ING1: variants seen among roughly 807,000 people sequenced by gnomAD.
The protein encoded by ING1 is inhibitor of growth protein 1.
Under a neutral mutation model 23.1 loss-of-function variants are expected in ING1, and 4 were observed. That is an observed-to-expected ratio of 0.17 (90% CI 0.09 to 0.40). ING1 has a LOEUF of 0.40. ING1 is among the 10% of genes least tolerant of loss of function. ING1 has a pLI of 1.00. For synonymous variants in ING1, 179 were observed against 166.4 expected (o/e 1.08, Z -0.58); for missense variants, 256 against 393.8 (o/e 0.65, Z 2.96).
rs1360209989 is a variant in ING1, at chr13:110,713,717, C to A, written c.-433C>A. On this transcript the variant is annotated 5_prime_UTR_variant, in exon 1 of 2. Coordinates refer to ENST00000333219, the MANE Select transcript of ING1 (RefSeq NM_198219.3). ...TGGTATTTGGGTTTTCCACGTTGGACAAGTGCGGCTCGGCGGCCAGCGGAG... is the reference window on the plus strand; with the variant it reads ...TGGTATTTGGGTTTTCCACGTTGGAAAAGTGCGGCTCGGCGGCCAGCGGAG... 9 of 985,146 alleles carry A rather than the reference C, an allele frequency of 9.1e-6. No homozygotes were observed. The highest frequency in any genetic ancestry group is 1.1e-4 in the East Asian group (1 of 8,808). The allele number at this position is 985,146 out of a possible 1,614,324, so 61.0% of individuals were successfully genotyped here. A position where few individuals can be genotyped will look rare whatever the true frequency, so the allele number is the denominator to read the frequency against.
Position 110,719,176 on chromosome 13 carries a change from T to C in ING1, c.137-53T>C. The C allele has an allele frequency of 6.3e-7, 1 of 1,576,438 alleles. No individual in the cohort carries two copies. The highest frequency in any genetic ancestry group is 1.1e-5 in the South Asian group (1 of 88,662). ...CTCCGTAGACCCGTCCGGGGCCGTG[T>C]GGGTTGTCCCGGTGTCCTGCTCGCG... On this transcript the variant is annotated intron_variant, in intron 1 of 1. Transcript: ENST00000333219. This position sits in a 1 kb window ranked among gnomAD's most constrained non-coding sequence, Gnocchi z 8.9.
chr13:110,713,315 G>A, upstream of ING1: 1 of 1,174,144 alleles, frequency 8.5e-7, no homozygotes, highest in Non-Finnish European at 1.1e-6. Context: ...TGGTCTCGGA[G>A]GTTTCTGTCC....
chr13:110,715,646 C>T (rs1229971429), intron 1 of ING1: 23 of 1,613,176 alleles, frequency 1.4e-5, no homozygotes, highest in Non-Finnish European at 1.9e-5. Flanking sequence ...TGGATTGGTT[C>T]TTCTCGCTGC....
At chr13:110,715,668 G>A in intron 1 of ING1, 1 of 1,608,334 alleles carries the variant, frequency 6.2e-7, no homozygotes, top group Admixed American at 1.7e-5. Flanking sequence ...GGGGCGGGCC[G>A]TGCTCTTCCG....
chr13:110,713,371 T>G (rs1006044080), upstream of ING1: 221 of 1,053,772 alleles, frequency 2.1e-4, no homozygotes, highest in Non-Finnish European at 2.3e-4. Flanking sequence ...AGCAGGCCGC[T>G]CCCCTGCGTT....
At position 110,723,071 on chromosome 13, in the gene ING1, TTATGA is replaced by T. The variant is rs909701064; in HGVS notation, c.*3143_*3147del. ...AGATAAAGGGTCCAAAGTGTTTTCG[TTATGA>T]TATAATACTTTCTATTGTAAACTGG... is the stretch of plus-strand genomic sequence containing the variant. On this transcript the variant is annotated 3_prime_UTR_variant, in exon 2 of 2. Coordinates refer to ENST00000333219, the MANE Select transcript of ING1 (RefSeq NM_198219.3). The T allele has an allele frequency of 4.6e-5, 7 of 152,238 alleles. No individual in the cohort carries two copies. Among genetic ancestry groups the T allele is most frequent in the African/African-American group, 9.6e-5 (4 of 41,458 alleles). 9.4% of individuals were successfully genotyped at this position (152,238 alleles called of 1,614,324 possible).
upstream of ING1, chr13:110,713,577 G>C: frequency 2.0e-6 from 2 of 985,862 alleles, no homozygotes; most frequent in Non-Finnish European, 2.4e-6. Context: ...AGCCCCCAGG[G>C]CCTGGGACGG....
chr13:110,715,112 CAGAG>C (rs558363855), intron 1 of ING1: 2 of 1,082,068 alleles, frequency 1.8e-6, no homozygotes, highest in African/African-American at 3.3e-5. Flanking sequence ...CCCCGGGTGT[CAGAG>C]AGAGGTGGCG....
At chr13:110,712,691 G>A (rs769229308), upstream of ING1, 11 of 673,924 alleles carry the variant, frequency 1.6e-5, no homozygotes, top group South Asian at 1.2e-4. Flanking sequence ...CCGGCCGACC[G>A]GGTGTCTGCA....
At position 110,720,216 on chromosome 13, in the gene ING1, AAACTC is replaced by A. The variant is rs1203807419; in HGVS notation, c.*288_*292del. On this transcript the variant is annotated 3_prime_UTR_variant, in exon 2 of 2. Transcript: ENST00000333219. ...GATTTCTTGCGGGAGGAGGGGGACT[AAACTC>A]AACCTAACACATTAAATGTGGAAGG... 1.2e-5 allele frequency: 3 copies of A among 259,834 alleles called. No homozygotes were observed. The highest frequency in any genetic ancestry group is 2.3e-5 in the Non-Finnish European group (3 of 128,742). The allele number at this position is 259,834 out of a possible 1,614,324, so 16.1% of individuals were successfully genotyped here.
In ING1 at chr13:110,719,738, A is replaced by C; in HGVS notation, c.646A>C (p.Asn216His). 1.2e-6 allele frequency: 2 copies of C among 1,613,974 alleles called. No homozygotes were observed. Among genetic ancestry groups the C allele is most frequent in the Non-Finnish European group, 1.7e-6 (2 of 1,179,962 alleles). ...CAACGAACCCACGTACTGTCTGTGC[A>C]ACCAGGTCTCCTATGGGGAGATGAT... is the stretch of plus-strand genomic sequence containing the variant. ...DPNEPTYCLC[N>H]QVSYGEMIGC... The change falls in exon 2 of 2, where the codon AAC (asparagine) becomes CAC (histidine). Residue 216 changes from asparagine (N) to histidine (H), a missense_variant. Around this residue, in one of 3 missense-constraint regions of ING1, gnomAD observed 25 missense variants for 95.8 expected, o/e 0.26. Transcript: ENST00000333219. This position sits in a 1 kb window ranked among gnomAD's most constrained non-coding sequence, Gnocchi z 8.9.
chr13:110,714,369 C>T (rs1014607330), intron 1 of ING1, 84 bp downstream of exon 1: 12 of 1,210,536 alleles, frequency 9.9e-6, no homozygotes, highest in South Asian at 2.3e-5. Context: ...CCGGTCCTGC[C>T]GTGGACCGGA....
chr13:110,713,495 C>G (rs964374519), upstream of ING1: 2 of 987,112 alleles, frequency 2.0e-6, no homozygotes, highest in African/African-American at 1.7e-5. Context: ...ACGCTGTCCC[C>G]TCCGCGACCC....
In ING1 at chr13:110,723,172, G is replaced by A. The variant is rs2064181845; in HGVS notation, c.*3240G>A. On this transcript the variant is annotated 3_prime_UTR_variant, in exon 2 of 2. Coordinates refer to ENST00000333219, the MANE Select transcript of ING1 (RefSeq NM_198219.3). ...TGTTCCTGGGACAGGCTCCCCAGGT[G>A]CTGAGAGAGGTGCTGCAGGAGTCAC... 1 of 152,236 alleles carries A rather than the reference G, an allele frequency of 6.6e-6. No homozygotes were observed. Among genetic ancestry groups the A allele is most frequent in the South Asian group, 2.1e-4 (1 of 4,824 alleles). 9.4% of individuals were successfully genotyped at this position (152,236 alleles called of 1,614,324 possible). A position where few individuals can be genotyped will look rare whatever the true frequency, so the allele number is the denominator to read the frequency against.
chr13:110,713,893 G>A lies in ING1; in HGVS notation c.-257G>A, dbSNP rs1277454720. The stretch of plus-strand genomic sequence containing the variant: ...GGCGCCAGCCCCGCCGCCTGAGAGG[G>A]GGCCTGCGCCGCCGGCCGGGGCGTG... On this transcript the variant is annotated 5_prime_UTR_variant, in exon 1 of 2. Transcript: ENST00000333219. 14 of 981,516 alleles carry A rather than the reference G, an allele frequency of 1.4e-5. No individual in the cohort carries two copies. Among genetic ancestry groups the A allele is most frequent in the Non-Finnish European group, 1.7e-5 (14 of 828,506 alleles). The allele number at this position is 981,516 out of a possible 1,614,324, so 60.8% of individuals were successfully genotyped here.
At position 110,719,076 on chromosome 13, in the gene ING1, C is replaced by T. The variant is rs1466100132; in HGVS notation, c.137-153C>T. On this transcript the variant is annotated intron_variant, in intron 1 of 1. Coordinates refer to ENST00000333219, the MANE Select transcript of ING1 (RefSeq NM_198219.3). The surrounding 1 kb of genome is among the most constrained non-coding windows in gnomAD (Gnocchi z 8.9). ...TGTGGTTAGCACAGGAACAGATAGG[C>T]CCGGGAGAGCCTGTGGCTGGTGGGC... Among the ~76,000 whole-genome samples, 1 of 149,374 alleles carries T rather than the reference C, an allele frequency of 6.7e-6. No homozygotes were observed. Among genetic ancestry groups the T allele is most frequent in the Non-Finnish European group, 1.5e-5 (1 of 67,974 alleles).
chr13:110,714,371 T>A, intron 1 of ING1, 86 bp downstream of exon 1: 2 of 1,224,674 alleles, frequency 1.6e-6, no homozygotes, highest in Non-Finnish European at 2.1e-6. Context: ...GGTCCTGCCG[T>A]GGACCGGAGG....
rs1049947671 is a variant in ING1, at chr13:110,720,527, G to T, written c.*595G>T. The T allele has an allele frequency of 6.0e-6, 1 of 167,042 alleles. No homozygotes were observed. Among genetic ancestry groups the T allele is most frequent in the Admixed American group, 6.5e-5 (1 of 15,274 alleles). The allele number at this position is 167,042 out of a possible 1,614,324, so 10.3% of individuals were successfully genotyped here. A position where few individuals can be genotyped will look rare whatever the true frequency, so the allele number is the denominator to read the frequency against. On this transcript the variant is annotated 3_prime_UTR_variant, in exon 2 of 2. Coordinates refer to ENST00000333219, the MANE Select transcript of ING1 (RefSeq NM_198219.3). ...TGCTTGGGTACACTTCTCTTAAGTG[G>T]TCTAGTCAAGGAACCTCAAGTCATG...
rs1407117016 is a variant in ING1, at chr13:110,713,811, G to A, written c.-339G>A. 1.5e-5 allele frequency: 15 copies of A among 983,924 alleles called. No individual in the cohort carries two copies. The East Asian group carries it at 1.5e-3, about 97-fold the overall frequency. The allele number at this position is 983,924 out of a possible 1,614,324, so 60.9% of individuals were successfully genotyped here. On this transcript the variant is annotated 5_prime_UTR_variant, in exon 1 of 2. Transcript: ENST00000333219. ...GCCCAGTGGGCGAGTGGGCAGCGGCGGCCGCGGCGCTGGGCCCTCTCCCGC... is the reference window on the plus strand; with the variant it reads ...GCCCAGTGGGCGAGTGGGCAGCGGCAGCCGCGGCGCTGGGCCCTCTCCCGC...
Sources: allele counts gnomAD v4.1 joint callset (sites outside exome capture counted in the v4.1 genomes callset), GRCh38; gene constraint gnomAD v4.1.1; regional missense constraint gnomAD v4.1.1; non-coding constraint Gnocchi (gnomAD v3.1); transcripts MANE v1.5; gene names NCBI Gene and HGNC (gene_info 2026-07-23, HGNC 2026-07-21).